The following SNTG2 variants were observed in gnomAD, a reference collection of about 807,000 sequenced individuals.
The protein encoded by SNTG2 is gamma-2-syntrophin.
SNTG2 carries 74 observed loss-of-function variants against 70.9 expected under a neutral mutation model. The observed-to-expected ratio is 1.04, with a 90% CI of 0.86 to 1.27. The LOEUF is 1.27. SNTG2 is among the 50% of genes most tolerant of loss of function. The pLI is 0.00. For synonymous variants in SNTG2, 278 were observed against 273.8 expected, an observed-to-expected ratio of 1.02 and a Z score of -0.15; for missense variants, 717 against 690.7, an observed-to-expected ratio of 1.04 and a Z score of -0.43.
chr2:1,001,951 A>T (rs1659408489), intron 1 of SNTG2, among the ~76,000 whole-genome samples: 1 of 152,134 alleles, frequency 6.6e-6, no homozygotes, highest in African/African-American at 2.4e-5. Flanking sequence ...GAACCCAGAC[A>T]TAAAGCCACA....
chr2:1,308,487 T>TG lies in SNTG2; in HGVS notation c.1285-7_1285-6insG. 1 of 1,550,648 alleles carries TG rather than the reference T, an allele frequency of 6.4e-7. No homozygotes were observed. Among genetic ancestry groups the TG allele is most frequent in the Non-Finnish European group, 8.7e-7 (1 of 1,146,464 alleles). On this transcript the variant is annotated splice_region_variant and splice_polypyrimidine_tract_variant and intron_variant, in intron 14 of 16. Transcript: ENST00000308624. ...AATGTTTTCTCAAAATTGATACTTT[T>TG]TTCTAGTCCAGAACATACATGTGCA...
chr2:1,300,057 G>T (rs1435131120), intron 14 of SNTG2, among the ~76,000 whole-genome samples: 2 of 151,116 alleles, frequency 1.3e-5, no homozygotes, highest in African/African-American at 4.9e-5. Flanking sequence ...CGCTCTGAAG[G>T]GCGTGCAAGA....
rs1661193829 is a variant in SNTG2 at position 983,326 on chromosome 2, CTGCAGAGGTGGAAGTCGGGATGAAGAAGT to C, written c.72+32271_72+32299del. Reference sequence around the variant, plus strand: ...GGAGGTGGTGGTCAGGATGAAGAAGCTGCAGAGGTGGAAGTCGGGATGAAGAAGTTGCAGAGGTGGAGGTCGGGATGAAG... The same window carrying C: ...GGAGGTGGTGGTCAGGATGAAGAAGCTGCAGAGGTGGAGGTCGGGATGAAG... On this transcript the variant is annotated intron_variant, in intron 1 of 16. Transcript: ENST00000308624. 2.7e-5 allele frequency among the ~76,000 whole-genome samples: 3 copies of C among 109,774 alleles called. No individual in the cohort carries two copies. The South Asian group carries it at 7.4e-4, about 27-fold the overall frequency. 72.0% of individuals were successfully genotyped at this position (109,774 alleles called of 152,430 possible).
At chr2:1,233,155 G>C (rs928872160) in intron 9 of SNTG2, among the ~76,000 whole-genome samples, 1 of 152,210 alleles carries the variant, frequency 6.6e-6, no homozygotes, top group Non-Finnish European at 1.5e-5. Context: ...TACACATTTT[G>C]ACTTTCTCCG....
At chr2:1,078,427 G>A (rs759986318) in intron 1 of SNTG2, among the ~76,000 whole-genome samples, 6 of 152,196 alleles carry the variant, frequency 3.9e-5, no homozygotes, top group Non-Finnish European at 8.8e-5. Context: ...ACATGAGGAT[G>A]CCAGGAGAGG....
intron 1 of SNTG2, among the ~76,000 whole-genome samples, chr2:1,028,361 C>T (rs1254747009): frequency 6.6e-6 from 1 of 152,256 alleles, no homozygotes; most frequent in East Asian, 1.9e-4. Context: ...GGCTGCACAT[C>T]CTACGCTTAC....
intron 1 of SNTG2, among the ~76,000 whole-genome samples, chr2:1,003,277 C>A (rs1006990119): frequency 6.6e-6 from 1 of 152,038 alleles, no homozygotes; most frequent in East Asian, 1.9e-4. Context: ...TGGATTTGCA[C>A]GAGTATATGA....
chr2:1,194,915 C>T (rs559166611), intron 8 of SNTG2, among the ~76,000 whole-genome samples: 1 of 152,228 alleles, frequency 6.6e-6, no homozygotes, highest in Non-Finnish European at 1.5e-5. Context: ...GTATGATGTT[C>T]CCCTCCCTGT....
intron 4 of SNTG2, among the ~76,000 whole-genome samples, chr2:1,120,405 A>G (rs146251694): frequency 0.011 from 1,609 of 152,346 alleles, 43 homozygotes; most frequent in African/African-American, 0.036. Flanking sequence ...TTATCTATCA[A>G]TAATCACCTG....
intron 4 of SNTG2, among the ~76,000 whole-genome samples, chr2:1,118,529 A>G (rs772149315): frequency 6.6e-6 from 1 of 152,166 alleles, no homozygotes; most frequent in Non-Finnish European, 1.5e-5. Context: ...AAAAGGCACT[A>G]CTTAAAAATT....
intron 4 of SNTG2, among the ~76,000 whole-genome samples, chr2:1,125,240 C>T (rs908203079): frequency 2.0e-5 from 3 of 152,118 alleles, no homozygotes; most frequent in Non-Finnish European, 2.9e-5. Flanking sequence ...TCTGGCTGCT[C>T]GAGAGATTTC....
At chr2:1,299,685 C>T (rs1170672738) in intron 14 of SNTG2, among the ~76,000 whole-genome samples, 1 of 152,174 alleles carries the variant, frequency 6.6e-6, no homozygotes, top group African/African-American at 2.4e-5. Context: ...CCACAAGAAA[C>T]GTGGAGCACA....
chr2:1,330,078 C>T (rs889328995), intron 16 of SNTG2, among the ~76,000 whole-genome samples: 2 of 152,126 alleles, frequency 1.3e-5, no homozygotes, highest in Non-Finnish European at 2.9e-5. Flanking sequence ...CCAGGAAGCT[C>T]TATCTTTGTA....
At chr2:1,112,315 T>C (rs1405746171) in intron 4 of SNTG2, among the ~76,000 whole-genome samples, 2 of 151,862 alleles carry the variant, frequency 1.3e-5, no homozygotes, top group African/African-American at 4.9e-5. Context: ...GGATCCTGTG[T>C]ACTAAGTGAG....
chr2:1,087,720 C>G (rs1353326915), intron 2 of SNTG2, among the ~76,000 whole-genome samples: 1 of 152,176 alleles, frequency 6.6e-6, no homozygotes, highest in African/African-American at 2.4e-5. Flanking sequence ...AGCCTTTGAG[C>G]CTTCAAAAGG....
chr2:1,282,365 C>CT (rs1445497114), intron 14 of SNTG2, among the ~76,000 whole-genome samples: 1 of 152,166 alleles, frequency 6.6e-6, no homozygotes, highest in East Asian at 1.9e-4. Flanking sequence ...TAATTTCTTC[C>CT]TTTTGGAATT....
intron 14 of SNTG2, among the ~76,000 whole-genome samples, chr2:1,267,816 G>GACACA: frequency 6.6e-6 from 1 of 152,188 alleles, no homozygotes; most frequent in Non-Finnish European, 1.5e-5. Context: ...TGAATGTGAG[G>GACACA]AACGGGCTGC....
intron 14 of SNTG2, among the ~76,000 whole-genome samples, chr2:1,295,638 A>G (rs1379200195): frequency 2.0e-5 from 3 of 148,776 alleles, no homozygotes; most frequent in East Asian, 4.1e-4. Flanking sequence ...TGAGTCTCCC[A>G]TGTTGGGGTA....
chr2:1,238,785 C>T (rs780751708), intron 10 of SNTG2, among the ~76,000 whole-genome samples: 3 of 152,184 alleles, frequency 2.0e-5, no homozygotes, highest in South Asian at 2.1e-4. Context: ...TCTGTTCCTT[C>T]GCAGCCTGGA....
Sources: allele counts gnomAD v4.1 joint callset (sites outside exome capture counted in the v4.1 genomes callset), GRCh38; gene constraint gnomAD v4.1.1; transcripts MANE v1.5; gene names NCBI Gene and HGNC (gene_info 2026-07-23, HGNC 2026-07-21).